The following GRID2 variants were observed in gnomAD, a reference collection of about 807,000 sequenced individuals.
GRID2 encodes glutamate ionotropic receptor delta type subunit 2.
A neutral mutation model predicts 114.8 loss-of-function variants in GRID2; 33 were observed. That is an observed-to-expected ratio of 0.29 (90% CI 0.22 to 0.38). GRID2 has a LOEUF of 0.38. Ranked by LOEUF, GRID2 falls within the 10% of genes least tolerant of loss-of-function variation. The probability of loss-of-function intolerance (pLI) is 1.00; values close to 1 mark genes in which losing one functional copy is unlikely to be tolerated. For missense variants in GRID2, 1,184 were observed against 1,257.7 expected, an observed-to-expected ratio of 0.94 and a Z score of 0.89; for synonymous variants, 505 against 449.9, an observed-to-expected ratio of 1.12 and a Z score of -1.55.
chr4:92,990,529 G>T (rs763750425), intron 2 of GRID2, among the ~76,000 whole-genome samples: 26 of 151,622 alleles, frequency 1.7e-4, no homozygotes, highest in Non-Finnish European at 3.7e-4. Flanking sequence ...TAGCCAGGCT[G>T]GTGTTGAACT....
At chr4:93,020,815 C>G (rs1723205358) in intron 2 of GRID2, among the ~76,000 whole-genome samples, 2 of 151,978 alleles carry the variant, frequency 1.3e-5, no homozygotes, top group African/African-American at 4.8e-5. Flanking sequence ...GGCAGATCAC[C>G]TGAGTTCAGG....
intron 2 of GRID2, among the ~76,000 whole-genome samples, chr4:92,635,968 G>A (rs1372807261): frequency 6.6e-6 from 1 of 152,004 alleles, no homozygotes; most frequent in Admixed American, 6.6e-5. Context: ...TGATAAGAAT[G>A]AATTCATGCT....
At chr4:93,393,271 A>G (rs746960117) in intron 8 of GRID2, among the ~76,000 whole-genome samples, 14 of 151,886 alleles carry the variant, frequency 9.2e-5, no homozygotes, top group Non-Finnish European at 1.6e-4. Flanking sequence ...GAACTTACCA[A>G]TCCTAAAATC....
chr4:93,752,548 G>A (rs952319055), intron 14 of GRID2, among the ~76,000 whole-genome samples: 12 of 151,884 alleles, frequency 7.9e-5, no homozygotes, highest in African/African-American at 4.8e-5. Context: ...TATTTTGTAC[G>A]TTTAGTAGAG....
chr4:92,572,499 A>G (rs1727679645), intron 1 of GRID2, among the ~76,000 whole-genome samples: 1 of 152,172 alleles, frequency 6.6e-6, no homozygotes, highest in African/African-American at 2.4e-5. Context: ...GATTCCAATC[A>G]ATAGAAAAAG....
At chr4:93,660,549 G>A (rs978901788) in intron 14 of GRID2, among the ~76,000 whole-genome samples, 1 of 152,082 alleles carries the variant, frequency 6.6e-6, no homozygotes, top group Non-Finnish European at 1.5e-5. Flanking sequence ...ATCAAATGGA[G>A]CAGTAGTCGC....
intron 8 of GRID2, among the ~76,000 whole-genome samples, chr4:93,388,374 T>A (rs1257157522): frequency 6.6e-6 from 1 of 152,212 alleles, no homozygotes; most frequent in African/African-American, 2.4e-5. Context: ...GCCCAGATTC[T>A]GATTTCATTG....
In GRID2 at chr4:92,860,367, C is replaced by T. The variant is rs149389576; in HGVS notation, c.245-224628C>T. On this transcript the variant is annotated intron_variant, in intron 2 of 15. Coordinates refer to ENST00000282020, the MANE Select transcript of GRID2 (RefSeq NM_001510.4). ...TGGTCTATGTATAGAATTTTAAAAG[C>T]GATTTAATTTTATTTTCTACTTTGT... is the stretch of plus-strand genomic sequence containing the variant. Among the ~76,000 whole-genome samples, 34 of 152,092 alleles carry T rather than the reference C, an allele frequency of 2.2e-4. No homozygotes were observed. The East Asian group carries it at 5.6e-3, about 25-fold the overall frequency.
At chr4:93,171,775 C>T (rs1016481567) in intron 4 of GRID2, among the ~76,000 whole-genome samples, 9 of 152,154 alleles carry the variant, frequency 5.9e-5, no homozygotes, top group African/African-American at 1.7e-4. Context: ...CTCAGTATCG[C>T]TCAATGATTT....
intron 2 of GRID2, among the ~76,000 whole-genome samples, chr4:92,600,450 A>G (rs1308937608): frequency 1.3e-5 from 2 of 152,036 alleles, no homozygotes; most frequent in African/African-American, 4.8e-5. Flanking sequence ...TGTTATATTT[A>G]TTTGTTCAGT....
intron 2 of GRID2, among the ~76,000 whole-genome samples, chr4:92,601,466 G>C (rs1729212324): frequency 6.6e-6 from 1 of 152,214 alleles, no homozygotes; most frequent in African/African-American, 2.4e-5. Context: ...CAGAAATCAA[G>C]AAGTTCTTTA....
At chr4:93,179,919 C>T (rs982490329) in intron 4 of GRID2, among the ~76,000 whole-genome samples, 3 of 152,134 alleles carry the variant, frequency 2.0e-5, no homozygotes, top group Non-Finnish European at 2.9e-5. Flanking sequence ...TCCCAGGACC[C>T]TCTGCTCTAG....
At chr4:93,699,894 T>C (rs1400523795) in intron 14 of GRID2, among the ~76,000 whole-genome samples, 1 of 152,154 alleles carries the variant, frequency 6.6e-6, no homozygotes, top group Admixed American at 6.6e-5. Context: ...GCTGGGAATT[T>C]ATTCTAAACT....
intron 14 of GRID2, among the ~76,000 whole-genome samples, chr4:93,760,368 C>A (rs1005603124): frequency 1.3e-5 from 2 of 152,186 alleles, no homozygotes; most frequent in African/African-American, 4.8e-5. Flanking sequence ...AGGACATAGA[C>A]ATTGTTTTGT....
intron 2 of GRID2, among the ~76,000 whole-genome samples, chr4:92,768,414 C>T (rs570372478): frequency 6.6e-6 from 1 of 152,130 alleles, no homozygotes; most frequent in Non-Finnish European, 1.5e-5. Flanking sequence ...GGGTTTGGAA[C>T]ACCTCATTTA....
intron 14 of GRID2, among the ~76,000 whole-genome samples, chr4:93,707,085 G>A (rs1421460768): frequency 2.0e-5 from 3 of 152,034 alleles, no homozygotes; most frequent in African/African-American, 4.8e-5. Flanking sequence ...TCTTTTTAAT[G>A]TGTTGTTGAA....
chr4:92,539,355 T>G (rs1725813488), intron 1 of GRID2, among the ~76,000 whole-genome samples: 2 of 152,152 alleles, frequency 1.3e-5, no homozygotes, highest in Admixed American at 1.3e-4. Flanking sequence ...TGTGCATTAA[T>G]GGTGACAAAA....
At chr4:93,299,568 G>C (rs1754650395) in intron 8 of GRID2, among the ~76,000 whole-genome samples, 1 of 105,292 alleles carries the variant, frequency 9.5e-6, no homozygotes, top group African/African-American at 3.7e-5. Context: ...GGGGAGGGGG[G>C]AGGGATAGCA....
chr4:92,923,636 G>T (rs1184712734), intron 2 of GRID2, among the ~76,000 whole-genome samples: 1 of 152,066 alleles, frequency 6.6e-6, no homozygotes, highest in African/African-American at 2.4e-5. Context: ...GATAAACTGC[G>T]ACGTAACTGG....
Sources: allele counts gnomAD v4.1 joint callset (sites outside exome capture counted in the v4.1 genomes callset), GRCh38; gene constraint gnomAD v4.1.1; transcripts MANE v1.5; gene names NCBI Gene and HGNC (gene_info 2026-07-23, HGNC 2026-07-21).